Variants in ZFR observed in about 807,000 individuals in gnomAD.
ZFR encodes the protein zinc finger RNA-binding protein.
Under a neutral mutation model 130.7 loss-of-function variants are expected in ZFR, and 19 were observed. That is an observed-to-expected ratio of 0.15 (90% confidence interval 0.10 to 0.21). ZFR has a LOEUF of 0.21. Among genes scored for constraint, ZFR ranks in the 10% least tolerant of loss-of-function variants. ZFR has a pLI of 1.00. For synonymous variants in ZFR, 466 were observed against 456.9 expected, an observed-to-expected ratio of 1.02 and a Z score of -0.25; for missense variants, 872 against 1,321.5, an observed-to-expected ratio of 0.66 and a Z score of 5.27.
chr5:32,366,872 G>T (rs546533020), intron 17 of ZFR, among the ~76,000 whole-genome samples: 1 of 146,604 alleles, frequency 6.8e-6, no homozygotes, highest in Non-Finnish European at 1.5e-5. Context: ...TGCTTTAAAA[G>T]ATTTTTTAAT....
In ZFR at chr5:32,388,503, CTT is replaced by C; in HGVS notation, c.2312_2313del (p.Lys771ArgfsTer4). 1 of 1,614,000 alleles carries C rather than the reference CTT, an allele frequency of 6.2e-7. No homozygotes were observed. Among genetic ancestry groups the C allele is most frequent in the Non-Finnish European group, 8.5e-7 (1 of 1,179,916 alleles). On this transcript the variant is annotated frameshift_variant, in exon 13 of 20. Coordinates refer to ENST00000265069, the MANE Select transcript of ZFR (RefSeq NM_016107.5). LOFTEE classifies it high-confidence loss of function. Reference protein sequence around the residue: ...SLSEHEKNKNKEGDDKKEGGK... With the variant: ...SLSEHEKNKNXEGDDKKEGGK... The stretch of plus-strand genomic sequence containing the variant: ...CCTCCCTCTTTCTTATCATCTCCCT[CTT>C]TGTTCTTGTTCTTCTCATGTTCAGA...
intron 9 of ZFR, among the ~76,000 whole-genome samples, chr5:32,398,823 A>T (rs1753376669): frequency 6.6e-6 from 1 of 151,888 alleles, no homozygotes. Flanking sequence ...AGCTGGGATT[A>T]CAAGTGTGCG....
At chr5:32,383,330 TGC>T (rs1037417093) in intron 15 of ZFR, among the ~76,000 whole-genome samples, 4 of 152,170 alleles carry the variant, frequency 2.6e-5, no homozygotes. Context: ...CAATCCCCTC[TGC>T]TAGAAGGCTT....
At chr5:32,376,489 T>C (rs1253840063) in intron 17 of ZFR, among the ~76,000 whole-genome samples, 4 of 150,850 alleles carry the variant, frequency 2.7e-5, no homozygotes, top group Admixed American at 6.6e-5. Flanking sequence ...TACTAAAATA[T>C]ACAAAAATTA....
intron 9 of ZFR, among the ~76,000 whole-genome samples, chr5:32,397,849 CTTTT>C (rs70961626): frequency 1.3e-4 from 9 of 66,868 alleles, no homozygotes; most frequent in South Asian, 7.0e-4. Flanking sequence ...GCTCTTGTAT[CTTTT>C]TTTTTTTTTT....
At chr5:32,358,338 CAG>C (rs1167892768) in intron 19 of ZFR, among the ~76,000 whole-genome samples, 1 of 152,146 alleles carries the variant, frequency 6.6e-6, no homozygotes, top group African/African-American at 2.4e-5. Flanking sequence ...GCCTGGGTGA[CAG>C]AGAGAGACTG....
In ZFR at chr5:32,355,101, A is replaced by G. The variant is rs1310494155; in HGVS notation, c.*659T>C. On this transcript the variant is annotated 3_prime_UTR_variant, in exon 20 of 20. Transcript: ENST00000265069. ...TTTATACTGCTAATGCACAACTAACAGCAAACTTGATTAGATTAACAGAAC... is the reference window on the plus strand; with the variant it reads ...TTTATACTGCTAATGCACAACTAACGGCAAACTTGATTAGATTAACAGAAC... 2.0e-5 allele frequency: 3 copies of G among 152,234 alleles called. No homozygotes were observed. The highest frequency in any genetic ancestry group is 4.4e-5 in the Non-Finnish European group (3 of 68,034). The allele number at this position is 152,234 out of a possible 1,614,324, so 9.4% of individuals were successfully genotyped here.
chr5:32,414,676 T>A (rs902473412), intron 5 of ZFR, among the ~76,000 whole-genome samples: 1 of 152,124 alleles, frequency 6.6e-6, no homozygotes, highest in Admixed American at 6.5e-5. Context: ...AAGTAAACAA[T>A]CCTGTAGAAA....
At chr5:32,442,385 AT>A (rs1358359224) in intron 2 of ZFR, among the ~76,000 whole-genome samples, 1 of 152,220 alleles carries the variant, frequency 6.6e-6, no homozygotes, top group Non-Finnish European at 1.5e-5. Context: ...TCACTATATA[AT>A]TAGTCCACGT....
intron 15 of ZFR, among the ~76,000 whole-genome samples, chr5:32,383,493 A>G (rs1442905533): frequency 1.3e-5 from 2 of 152,228 alleles, no homozygotes; most frequent in African/African-American, 2.4e-5. Context: ...TGTCAAACAC[A>G]GTATCATAAA....
chr5:32,435,049 G>A (rs1425755895), intron 2 of ZFR, among the ~76,000 whole-genome samples: 2 of 152,112 alleles, frequency 1.3e-5, no homozygotes, highest in African/African-American at 4.8e-5. Context: ...CTCTCGAGGA[G>A]CAGGGACCAC....
intron 2 of ZFR, among the ~76,000 whole-genome samples, chr5:32,424,169 T>G (rs1474571944): frequency 6.6e-6 from 1 of 152,102 alleles, no homozygotes; most frequent in Non-Finnish European, 1.5e-5. Context: ...CAGAGAAAGA[T>G]ATCCAGAAAA....
intron 17 of ZFR, among the ~76,000 whole-genome samples, chr5:32,368,755 G>A (rs1752600200): frequency 6.6e-6 from 1 of 152,122 alleles, no homozygotes. Flanking sequence ...GCTTATCCTC[G>A]CTAAGTGATG....
intron 2 of ZFR, among the ~76,000 whole-genome samples, chr5:32,438,442 T>A (rs1386445254): frequency 6.6e-6 from 1 of 151,922 alleles, no homozygotes; most frequent in Non-Finnish European, 1.5e-5. Flanking sequence ...TTTGTAGTTT[T>A]AGTAGAGACG....
chr5:32,425,580 T>C (rs1754054925), intron 2 of ZFR, among the ~76,000 whole-genome samples: 1 of 152,228 alleles, frequency 6.6e-6, no homozygotes, highest in Admixed American at 6.5e-5. Context: ...CAGGCTGGAG[T>C]GCAGTGGCAC....
intron 19 of ZFR, among the ~76,000 whole-genome samples, chr5:32,359,092 C>T (rs1464667764): frequency 6.6e-6 from 1 of 151,754 alleles, no homozygotes. Context: ...AAGGCTAAGG[C>T]AGGATTGTGT....
intron 5 of ZFR, among the ~76,000 whole-genome samples, chr5:32,412,130 C>T (rs1242647086): frequency 1.3e-5 from 2 of 152,104 alleles, no homozygotes; most frequent in African/African-American, 4.8e-5. Context: ...GAGCAACAGG[C>T]CCACAGAGTA....
intron 2 of ZFR, among the ~76,000 whole-genome samples, chr5:32,432,895 ATTG>A (rs1182002035): frequency 7.1e-6 from 1 of 140,244 alleles, no homozygotes; most frequent in African/African-American, 2.5e-5. Flanking sequence ...TGCCTGGCTA[ATTG>A]TTTTTTTTTT....
At chr5:32,373,384 C>A (rs1357644310) in intron 17 of ZFR, among the ~76,000 whole-genome samples, 1 of 152,168 alleles carries the variant, frequency 6.6e-6, no homozygotes, top group Non-Finnish European at 1.5e-5. Context: ...CAGAGCAACA[C>A]TCTGTCTCGG....
Sources: gnomAD v4.1 joint callset for allele counts (sites outside exome capture counted in the v4.1 genomes callset) on GRCh38, gnomAD v4.1.1 for gene constraint, MANE v1.5 for transcripts, NCBI Gene and HGNC (gene_info 2026-07-23, HGNC 2026-07-21) for gene names.